The following BCKDHB variants were observed in gnomAD, a reference collection of about 807,000 sequenced individuals.
The protein encoded by BCKDHB is branched chain keto acid dehydrogenase E1 subunit beta.
A neutral mutation model predicts 48.5 loss-of-function variants in BCKDHB; 41 were observed. The ratio of observed to expected loss-of-function variants is 0.85; its 90% CI spans 0.66 to 1.10. The LOEUF is 1.10. BCKDHB is among the 50% of genes least tolerant of loss of function. The pLI, the probability that BCKDHB is intolerant of heterozygous loss-of-function variation, is 0.00. For synonymous variants in BCKDHB, 201 were observed against 174.8 expected, an observed-to-expected ratio of 1.15 and a Z score of -1.18; for missense variants, 496 against 494.2, an observed-to-expected ratio of 1.00 and a Z score of -0.03.
At chr6:80,111,768 C>A (rs958668327) in intron 1 of BCKDHB, among the ~76,000 whole-genome samples, 1 of 151,854 alleles carries the variant, frequency 6.6e-6, no homozygotes, top group Non-Finnish European at 1.5e-5. Flanking sequence ...CAAGTAAAAC[C>A]CAAAGGAGAA....
chr6:80,245,921 A>G (rs924422577), intron 8 of BCKDHB, among the ~76,000 whole-genome samples: 1 of 152,170 alleles, frequency 6.6e-6, no homozygotes, highest in African/African-American at 2.4e-5. Context: ...ACAAAAAAAT[A>G]CAAAAATTAG....
chr6:80,272,455 C>T (rs980664823), intron 8 of BCKDHB, among the ~76,000 whole-genome samples: 20 of 152,126 alleles, frequency 1.3e-4, no homozygotes, highest in Admixed American at 2.0e-4. Flanking sequence ...CAGCTGGCAT[C>T]CTGCTATGAT....
the BCKDHB span, among the ~76,000 whole-genome samples, chr6:80,380,596 A>G: frequency 2.6e-5 from 4 of 152,090 alleles, no homozygotes; most frequent in Non-Finnish European, 5.9e-5. Context: ...ACTCAATTAA[A>G]CTAAAATGCT....
intron 8 of BCKDHB, among the ~76,000 whole-genome samples, chr6:80,264,881 G>T (rs1483304535): frequency 6.6e-6 from 1 of 151,984 alleles, no homozygotes; most frequent in Non-Finnish European, 1.5e-5. Flanking sequence ...AAAACAGGGG[G>T]ATTAAAAAAT....
intron 9 of BCKDHB, among the ~76,000 whole-genome samples, chr6:80,325,675 A>G (rs1768996671): frequency 6.6e-6 from 1 of 152,188 alleles, no homozygotes; most frequent in Non-Finnish European, 1.5e-5. Context: ...TTAACTAGAC[A>G]ATGAGCAGAA....
intron 3 of BCKDHB, among the ~76,000 whole-genome samples, chr6:80,145,423 C>G (rs1162245516): frequency 6.6e-6 from 1 of 152,172 alleles, no homozygotes; most frequent in Non-Finnish European, 1.5e-5. Flanking sequence ...CCCAAACCAC[C>G]TCATCCATAC....
intron 3 of BCKDHB, among the ~76,000 whole-genome samples, chr6:80,144,358 A>G (rs1414427280): frequency 1.3e-5 from 2 of 152,188 alleles, no homozygotes; most frequent in Admixed American, 6.6e-5. Flanking sequence ...TCTGTCCAAG[A>G]ACTTTTTAGC....
chr6:80,153,083 C>T (rs1298554720), intron 3 of BCKDHB, among the ~76,000 whole-genome samples: 2 of 152,166 alleles, frequency 1.3e-5, no homozygotes, highest in Non-Finnish European at 2.9e-5. Flanking sequence ...TAACATTGTT[C>T]TTTAATCCAG....
intron 3 of BCKDHB, among the ~76,000 whole-genome samples, chr6:80,133,976 CAG>C (rs1582204082): frequency 1.3e-5 from 2 of 152,018 alleles, no homozygotes; most frequent in African/African-American, 4.8e-5. Context: ...AGTAATGAGA[CAG>C]ATTCCTCATG....
At chr6:80,282,754 T>C (rs1411827185) in intron 9 of BCKDHB, among the ~76,000 whole-genome samples, 1 of 152,090 alleles carries the variant, frequency 6.6e-6, no homozygotes, top group Non-Finnish European at 1.5e-5. Context: ...TATAAGTCTT[T>C]TATTGATTTG....
chr6:80,112,786 T>TA (rs1481225306), intron 1 of BCKDHB, among the ~76,000 whole-genome samples: 1 of 152,216 alleles, frequency 6.6e-6, no homozygotes, highest in South Asian at 2.1e-4. Context: ...GATCCAATCT[T>TA]AGAGTGTCAG....
intron 9 of BCKDHB, among the ~76,000 whole-genome samples, chr6:80,323,979 A>C (rs1005847881): frequency 6.6e-6 from 1 of 152,088 alleles, no homozygotes; most frequent in Non-Finnish European, 1.5e-5. Flanking sequence ...TCACCGTGTT[A>C]GCCAGGGTGG....
At chr6:80,401,511 T>A in the BCKDHB span, among the ~76,000 whole-genome samples, 257 of 151,962 alleles carry the variant, frequency 1.7e-3, no homozygotes, top group African/African-American at 6.1e-3. Context: ...TAATCCTCAA[T>A]GTTGGAGAAG....
At chr6:80,151,736 C>T (rs1771789827) in intron 3 of BCKDHB, among the ~76,000 whole-genome samples, 1 of 152,040 alleles carries the variant, frequency 6.6e-6, no homozygotes. Flanking sequence ...CATATTGTTC[C>T]CTTTGTTTCT....
intron 8 of BCKDHB, among the ~76,000 whole-genome samples, chr6:80,268,361 C>T (rs1777600774): frequency 1.3e-5 from 2 of 152,030 alleles, no homozygotes; most frequent in Admixed American, 6.6e-5. Flanking sequence ...ATTAGTTGTA[C>T]TTATATGTAT....
chr6:80,256,157 CTT>C (rs1777041031), intron 8 of BCKDHB, among the ~76,000 whole-genome samples: 1 of 152,172 alleles, frequency 6.6e-6, no homozygotes, highest in South Asian at 2.1e-4. Flanking sequence ...AACTTCCTCT[CTT>C]AATGTCACAT....
chr6:80,413,209 T>A, the BCKDHB span, among the ~76,000 whole-genome samples: 3 of 152,248 alleles, frequency 2.0e-5, no homozygotes, highest in East Asian at 5.8e-4. Flanking sequence ...AGATAGTATA[T>A]CAAAGACTTA....
chr6:80,257,870 C>T (rs1777122145), intron 8 of BCKDHB, among the ~76,000 whole-genome samples: 1 of 151,946 alleles, frequency 6.6e-6, no homozygotes, highest in Non-Finnish European at 1.5e-5. Flanking sequence ...CTCCTTTTTT[C>T]CTTCGGACTC....
rs1773837422 is a variant in BCKDHB at position 80,190,367 on chromosome 6, A to T, written c.743-10567A>T. 2.6e-5 allele frequency among the ~76,000 whole-genome samples: 4 copies of T among 152,304 alleles called. No individual in the cohort carries two copies. The South Asian group carries it at 8.3e-4, about 32-fold the overall frequency. On this transcript the variant is annotated intron_variant, in intron 6 of 9. Transcript: ENST00000320393. The stretch of plus-strand genomic sequence containing the variant: ...AGACTTAGGGAAAGGATCAAGCTTG[A>T]TATATGTTTATATTTAATACTTCTG...
Sources: gnomAD v4.1 joint callset for allele counts (sites outside exome capture counted in the v4.1 genomes callset) on GRCh38, gnomAD v4.1.1 for gene constraint, MANE v1.5 for transcripts, NCBI Gene and HGNC (gene_info 2026-07-23, HGNC 2026-07-21) for gene names.